The following KDM4C variants were observed in gnomAD, a reference collection of about 807,000 sequenced individuals.
KDM4C encodes lysine demethylase 4C.
In KDM4C, 81 loss-of-function variants were observed where a neutral mutation model predicts 129.3. The ratio of observed to expected loss-of-function variants is 0.63; its 90% CI spans 0.52 to 0.75. The LOEUF is 0.75. KDM4C is among the 30% of genes least tolerant of loss of function. The probability of loss-of-function intolerance (pLI) is 0.00; values close to 1 mark genes in which losing one functional copy is unlikely to be tolerated. For missense variants in KDM4C, 1,457 were observed against 1,304.0 expected (o/e 1.12, Z -1.81); for synonymous variants, 573 against 456.1 (o/e 1.26, Z -3.26).
intron 2 of KDM4C, among the ~76,000 whole-genome samples, chr9:6,801,730 G>C (rs774656659): frequency 2.6e-5 from 4 of 151,450 alleles, no homozygotes; most frequent in African/African-American, 4.9e-5. Flanking sequence ...ATATATAAAA[G>C]ACTTCTATAC....
At chr9:7,170,650 T>C in intron 21 of KDM4C, 2 of 969,544 alleles carry the variant, frequency 2.1e-6, no homozygotes, top group Non-Finnish European at 2.5e-6. Flanking sequence ...GTCTGTGAAA[T>C]GATAAATCCT....
intron 17 of KDM4C, among the ~76,000 whole-genome samples, chr9:7,057,522 C>T (rs779856901): frequency 2.0e-5 from 3 of 152,248 alleles, no homozygotes; most frequent in Non-Finnish European, 4.4e-5. Flanking sequence ...TGAAGCTCAT[C>T]TGTAAATTAT....
intron 8 of KDM4C, among the ~76,000 whole-genome samples, chr9:6,968,146 A>T (rs1831324395): frequency 6.6e-6 from 1 of 152,210 alleles, no homozygotes; most frequent in South Asian, 2.1e-4. Context: ...AAGAACTAAG[A>T]TAGGCCTCCT....
chr9:7,044,589 A>G (rs10976006), intron 15 of KDM4C, among the ~76,000 whole-genome samples: 2,361 of 152,060 alleles, frequency 0.016, 49 homozygotes, highest in African/African-American at 0.043. Flanking sequence ...GTGTCCTCCA[A>G]TATGAGCTAG....
At chr9:6,834,879 T>G in intron 4 of KDM4C, 1 of 1,302,684 alleles carries the variant, frequency 7.7e-7, no homozygotes, top group Non-Finnish European at 1.1e-6. Context: ...GTGCTGTCCC[T>G]GTACTTCTTT....
chr9:7,060,158 C>A (rs772086749), intron 17 of KDM4C, among the ~76,000 whole-genome samples: 1 of 150,686 alleles, frequency 6.6e-6, no homozygotes, highest in Non-Finnish European at 1.5e-5. Context: ...CTGTCCTCCA[C>A]CATTTTAGGC....
intron 19 of KDM4C, among the ~76,000 whole-genome samples, chr9:7,145,134 C>T (rs1479782389): frequency 6.6e-6 from 1 of 151,928 alleles, no homozygotes; most frequent in Non-Finnish European, 1.5e-5. Flanking sequence ...AAAGGATGCT[C>T]CTCTCCTTTG....
At chr9:7,048,940 G>A (rs1829782497) in intron 16 of KDM4C, 152 bp from the exon 17 acceptor site, 3 of 564,240 alleles carry the variant, frequency 5.3e-6, no homozygotes, top group Non-Finnish European at 9.5e-6. Flanking sequence ...TCATTCAGGA[G>A]GTTTACAGTT....
intron 3 of KDM4C, among the ~76,000 whole-genome samples, chr9:6,814,429 G>T (rs1467663982): frequency 6.6e-6 from 1 of 152,090 alleles, no homozygotes; most frequent in Non-Finnish European, 1.5e-5. Flanking sequence ...AAAATGTAAA[G>T]TAATATTGAG....
chr9:6,788,291 A>G (rs1015001086), intron 1 of KDM4C, among the ~76,000 whole-genome samples: 4 of 152,202 alleles, frequency 2.6e-5, no homozygotes, highest in Admixed American at 6.5e-5. Flanking sequence ...TAGGCATACA[A>G]TAACTATTTG....
At chr9:6,953,352 G>T (rs1290811615) in intron 8 of KDM4C, among the ~76,000 whole-genome samples, 1 of 152,152 alleles carries the variant, frequency 6.6e-6, no homozygotes, top group East Asian at 1.9e-4. Flanking sequence ...GAAATTGAGA[G>T]ATTTAAACAT....
At chr9:6,902,584 A>G (rs2130989869) in intron 8 of KDM4C, 1 of 152,262 alleles carries the variant, frequency 6.6e-6, no homozygotes, top group African/African-American at 2.4e-5. Context: ...TGGTGATGGG[A>G]GAACTCGCCT....
chr9:6,970,440 T>C (rs1039216889), intron 8 of KDM4C, among the ~76,000 whole-genome samples: 1 of 152,260 alleles, frequency 6.6e-6, no homozygotes, highest in African/African-American at 2.4e-5. Context: ...TGTGGACATA[T>C]TGCTGTAGCA....
intron 8 of KDM4C, among the ~76,000 whole-genome samples, chr9:6,949,564 T>C (rs966017077): frequency 6.6e-6 from 1 of 152,076 alleles, no homozygotes; most frequent in African/African-American, 2.4e-5. Context: ...GAGCACTGAG[T>C]GAACGAGACT....
intron 9 of KDM4C, 122 bp downstream of exon 9, chr9:6,981,240 GA>G: frequency 3.0e-6 from 2 of 656,304 alleles, no homozygotes; most frequent in South Asian, 5.1e-5. Flanking sequence ...ATACCTTTCT[GA>G]AAATGTGAGA....
At chr9:6,918,270 G>A (rs1589099296) in intron 8 of KDM4C, among the ~76,000 whole-genome samples, 1 of 152,200 alleles carries the variant, frequency 6.6e-6, no homozygotes, top group Non-Finnish European at 1.5e-5. Context: ...AGAACATGTG[G>A]TATTTGGTTT....
intron 19 of KDM4C, among the ~76,000 whole-genome samples, chr9:7,156,695 C>A (rs62532926): frequency 1.3e-5 from 2 of 152,040 alleles, no homozygotes; most frequent in African/African-American, 4.8e-5. Context: ...GGCCTGTGTT[C>A]TGTTCCATTG....
chr9:7,145,658 G>C (rs562875046), intron 19 of KDM4C, among the ~76,000 whole-genome samples: 65 of 152,340 alleles, frequency 4.3e-4, no homozygotes, highest in African/African-American at 1.4e-3. Context: ...GCTTCTTTCT[G>C]TGAAGTCTAA....
At chr9:7,000,846 G>T (rs1820599016) in intron 12 of KDM4C, among the ~76,000 whole-genome samples, 1 of 152,152 alleles carries the variant, frequency 6.6e-6, no homozygotes, top group African/African-American at 2.4e-5. Context: ...TTCTTTGGTT[G>T]TAAAATTAGC....
Sources: allele counts gnomAD v4.1 joint callset (sites outside exome capture counted in the v4.1 genomes callset), GRCh38; gene constraint gnomAD v4.1.1; transcripts MANE v1.5; gene names NCBI Gene and HGNC (gene_info 2026-07-23, HGNC 2026-07-21).